The following CNTNAP5 variants were observed in gnomAD, a reference collection of about 807,000 sequenced individuals.
CNTNAP5 encodes the protein contactin-associated protein-like 5.
Under a neutral mutation model 150.2 loss-of-function variants are expected in CNTNAP5, and 72 were observed. The ratio of observed to expected loss-of-function variants is 0.48; its 90% CI spans 0.40 to 0.58. The LOEUF is 0.58. Ranked by LOEUF, CNTNAP5 falls within the 20% of genes least tolerant of loss-of-function variation. The pLI is 0.00. For missense variants in CNTNAP5, 1,636 were observed against 1,626.2 expected (o/e 1.01, Z -0.10); for synonymous variants, 672 against 619.8 (o/e 1.08, Z -1.25).
At chr2:124,838,386 C>A (rs1558795416) in intron 19 of CNTNAP5, among the ~76,000 whole-genome samples, 1 of 152,022 alleles carries the variant, frequency 6.6e-6, no homozygotes, top group Non-Finnish European at 1.5e-5. Flanking sequence ...GCCTGCCTCT[C>A]AAAAAACATG....
chr2:124,762,075 T>C (rs568351163), intron 14 of CNTNAP5, among the ~76,000 whole-genome samples: 1 of 152,198 alleles, frequency 6.6e-6, no homozygotes, highest in Admixed American at 6.6e-5. Context: ...TGTTTGGAAT[T>C]TGCTTTGAAA....
At chr2:124,050,511 A>G (rs1205473087) in intron 1 of CNTNAP5, among the ~76,000 whole-genome samples, 1 of 152,114 alleles carries the variant, frequency 6.6e-6, no homozygotes, top group Non-Finnish European at 1.5e-5. Flanking sequence ...TTTGTTAGCA[A>G]GATCTTAGAA....
chr2:124,490,202 T>C (rs1247883030), intron 7 of CNTNAP5, among the ~76,000 whole-genome samples: 1 of 151,804 alleles, frequency 6.6e-6, no homozygotes, highest in Non-Finnish European at 1.5e-5. Context: ...GGCATGGTGG[T>C]GTACACCTAT....
At chr2:124,909,911 T>A (rs1678621297) in intron 22 of CNTNAP5, among the ~76,000 whole-genome samples, 1 of 147,386 alleles carries the variant, frequency 6.8e-6, no homozygotes. Context: ...TGTACAGAGA[T>A]GATTAATAAT....
At chr2:124,153,093 A>G (rs192372330) in intron 1 of CNTNAP5, among the ~76,000 whole-genome samples, 51 of 152,332 alleles carry the variant, frequency 3.3e-4, no homozygotes, top group Non-Finnish European at 6.0e-4. Flanking sequence ...GTAGATTTAT[A>G]AAAACTTAAC....
At chr2:124,222,885 G>T (rs1389687455) in intron 2 of CNTNAP5, among the ~76,000 whole-genome samples, 1 of 151,866 alleles carries the variant, frequency 6.6e-6, no homozygotes, top group Non-Finnish European at 1.5e-5. Flanking sequence ...ATTAAAATGG[G>T]ATTCATAATT....
intron 3 of CNTNAP5, among the ~76,000 whole-genome samples, chr2:124,379,891 T>A (rs970317066): frequency 8.5e-5 from 13 of 152,136 alleles, no homozygotes; most frequent in Non-Finnish European, 1.9e-4. Context: ...TGAAGAGGGT[T>A]ACAAGTTAGA....
At chr2:124,743,782 C>T (rs1680550074) in intron 13 of CNTNAP5, among the ~76,000 whole-genome samples, 1 of 152,098 alleles carries the variant, frequency 6.6e-6, no homozygotes, top group African/African-American at 2.4e-5. Flanking sequence ...TTTATGCTAC[C>T]CATTTTTTTT....
At chr2:124,417,679 C>T in intron 4 of CNTNAP5, 89 bp downstream of exon 4, 3 of 1,261,938 alleles carry the variant, frequency 2.4e-6, no homozygotes, top group Middle Eastern at 2.4e-4. Context: ...GATTGACAAT[C>T]ATCTTATTTT....
intron 3 of CNTNAP5, among the ~76,000 whole-genome samples, chr2:124,314,800 C>A (rs758491328): frequency 6.6e-6 from 1 of 152,092 alleles, no homozygotes; most frequent in African/African-American, 2.4e-5. Context: ...TCCTACTTTA[C>A]GAATGTATTT....
intron 7 of CNTNAP5, among the ~76,000 whole-genome samples, chr2:124,490,872 AT>A (rs938765922): frequency 5.9e-5 from 9 of 151,924 alleles, no homozygotes; most frequent in African/African-American, 1.9e-4. Context: ...TTTAAAAAAA[AT>A]TTTTTTTAAA....
chr2:124,495,716 T>C (rs189299818), intron 7 of CNTNAP5, among the ~76,000 whole-genome samples: 1 of 152,366 alleles, frequency 6.6e-6, no homozygotes, highest in East Asian at 1.9e-4. Flanking sequence ...GTAATGCCAC[T>C]TGTTTAGTTT....
At chr2:124,265,402 G>A (rs971581055) in intron 3 of CNTNAP5, among the ~76,000 whole-genome samples, 1 of 152,058 alleles carries the variant, frequency 6.6e-6, no homozygotes, top group Non-Finnish European at 1.5e-5. Flanking sequence ...CACTAATGGG[G>A]TCATTATCGC....
chr2:124,538,495 GAGAA>G (rs1453847842), intron 10 of CNTNAP5, among the ~76,000 whole-genome samples: 2 of 148,092 alleles, frequency 1.4e-5, no homozygotes, highest in Non-Finnish European at 3.0e-5. Flanking sequence ...GAAAGAGAGA[GAGAA>G]AGAGAGACTC....
At chr2:124,667,715 A>G (rs993144616) in intron 13 of CNTNAP5, among the ~76,000 whole-genome samples, 3 of 152,258 alleles carry the variant, frequency 2.0e-5, no homozygotes, top group Non-Finnish European at 2.9e-5. Context: ...TTTTTTAAGC[A>G]GTAGCCATTT....
chr2:124,438,712 C>T (rs1445537017), intron 5 of CNTNAP5, among the ~76,000 whole-genome samples: 1 of 152,158 alleles, frequency 6.6e-6, no homozygotes, highest in Non-Finnish European at 1.5e-5. Context: ...GCATTTTAGT[C>T]AGCCAACTCA....
intron 1 of CNTNAP5, among the ~76,000 whole-genome samples, chr2:124,178,526 G>A (rs1418489714): frequency 6.6e-6 from 1 of 152,124 alleles, no homozygotes; most frequent in African/African-American, 2.4e-5. Flanking sequence ...ATCTCCCATA[G>A]TAATTTCAAT....
At chr2:124,130,080 G>A (rs1400666400) in intron 1 of CNTNAP5, among the ~76,000 whole-genome samples, 1 of 152,110 alleles carries the variant, frequency 6.6e-6, no homozygotes, top group Non-Finnish European at 1.5e-5. Context: ...ATTAGACTTT[G>A]AAAATCTCTC....
intron 1 of CNTNAP5, among the ~76,000 whole-genome samples, chr2:124,084,707 A>G (rs1487519884): frequency 6.6e-6 from 1 of 152,016 alleles, no homozygotes; most frequent in African/African-American, 2.4e-5. Context: ...ATATGTATAT[A>G]TATTCATTAA....
Sources: allele counts gnomAD v4.1 joint callset (sites outside exome capture counted in the v4.1 genomes callset), GRCh38; gene constraint gnomAD v4.1.1; transcripts MANE v1.5; gene names NCBI Gene and HGNC (gene_info 2026-07-23, HGNC 2026-07-21).